Variants in GHR observed in about 807,000 individuals in gnomAD.
The protein encoded by GHR is GH receptor.
In GHR, 35 loss-of-function variants were observed where a neutral mutation model predicts 67.1. The observed-to-expected ratio is 0.52, with a 90% CI of 0.40 to 0.69. The LOEUF is 0.69. GHR is among the 30% of genes least tolerant of loss of function. The pLI, the probability that GHR is intolerant of heterozygous loss-of-function variation, is 0.00. For synonymous variants in GHR, 272 were observed against 269.1 expected, an observed-to-expected ratio of 1.01 and a Z score of -0.10; for missense variants, 792 against 764.6, an observed-to-expected ratio of 1.04 and a Z score of -0.42.
intron 3 of GHR, chr5:42,647,630 C>G (rs1307162536): frequency 2.3e-6 from 1 of 436,682 alleles, no homozygotes; most frequent in East Asian, 7.5e-5. Context: ...AATTTGATGA[C>G]TTTAATTTCA....
At chr5:42,515,538 G>T (rs1747199869) in intron 1 of GHR, among the ~76,000 whole-genome samples, 1 of 152,232 alleles carries the variant, frequency 6.6e-6, no homozygotes, top group Non-Finnish European at 1.5e-5. Flanking sequence ...ACACAGGCAG[G>T]CTGAGGGCTA....
chr5:42,466,283 A>T (rs75029571), intron 1 of GHR, among the ~76,000 whole-genome samples: 4 of 81,874 alleles, frequency 4.9e-5, no homozygotes, highest in African/African-American at 2.1e-4. Flanking sequence ...ATCAAGGTTC[A>T]GGGGGTATAG....
intron 1 of GHR, among the ~76,000 whole-genome samples, chr5:42,493,261 G>A (rs1050406275): frequency 6.6e-6 from 1 of 152,126 alleles, no homozygotes; most frequent in Admixed American, 6.6e-5. Context: ...ATAAAGCTGG[G>A]ATTTCTGTAG....
intron 1 of GHR, among the ~76,000 whole-genome samples, chr5:42,479,133 T>A (rs1745487645): frequency 6.6e-6 from 1 of 152,202 alleles, no homozygotes; most frequent in Non-Finnish European, 1.5e-5. Context: ...TCTGCGTCTA[T>A]TGAGATAATC....
chr5:42,589,624 G>A (rs1215832184), intron 2 of GHR, among the ~76,000 whole-genome samples: 1 of 152,074 alleles, frequency 6.6e-6, no homozygotes, highest in Non-Finnish European at 1.5e-5. Context: ...TATATAAGTA[G>A]TTGTGTTATT....
intron 1 of GHR, among the ~76,000 whole-genome samples, chr5:42,457,363 T>C (rs941341664): frequency 2.0e-5 from 3 of 152,248 alleles, no homozygotes; most frequent in Non-Finnish European, 4.4e-5. Flanking sequence ...AGTCACACTA[T>C]CAACATTATG....
intron 7 of GHR, 132 bp from the exon 8 acceptor site, chr5:42,713,297 G>T (rs1758561044): frequency 1.4e-5 from 9 of 651,390 alleles, no homozygotes; most frequent in Non-Finnish European, 2.2e-5. Context: ...TGTTTCAGTG[G>T]TTATCAAGAG....
intron 1 of GHR, chr5:42,467,618 C>G: frequency 6.2e-7 from 1 of 1,606,046 alleles, no homozygotes; most frequent in Non-Finnish European, 8.5e-7. Context: ...AAGGCTTTCC[C>G]ACATTTTGAG....
chr5:42,576,461 C>A (rs984566832), intron 2 of GHR, among the ~76,000 whole-genome samples: 1 of 152,126 alleles, frequency 6.6e-6, no homozygotes, highest in Admixed American at 6.5e-5. Flanking sequence ...ATTGGAATTA[C>A]CAATAGGCTA....
At chr5:42,632,351 C>T (rs1048579296) in intron 3 of GHR, among the ~76,000 whole-genome samples, 1 of 152,148 alleles carries the variant, frequency 6.6e-6, no homozygotes, top group African/African-American at 2.4e-5. Flanking sequence ...GCAATCCCTC[C>T]CTTCTCCATG....
chr5:42,432,253 C>A (rs906287462), intron 1 of GHR, among the ~76,000 whole-genome samples: 3 of 152,096 alleles, frequency 2.0e-5, no homozygotes, highest in Non-Finnish European at 2.9e-5. Context: ...TTTTATTAAG[C>A]ATTATATCTA....
At chr5:42,695,131 T>A in intron 5 of GHR, 42 bp downstream of exon 5, 1 of 1,379,748 alleles carries the variant, frequency 7.2e-7, no homozygotes, top group Non-Finnish European at 1.0e-6. Context: ...AGTTTTAGAC[T>A]AAATAAATGG....
At chr5:42,661,898 G>A (rs889461018) in intron 3 of GHR, among the ~76,000 whole-genome samples, 1 of 152,248 alleles carries the variant, frequency 6.6e-6, no homozygotes, top group South Asian at 2.1e-4. Flanking sequence ...CAAAACAAAA[G>A]GATGGAGGAA....
At chr5:42,628,840 T>A (rs1225166287) in intron 2 of GHR, among the ~76,000 whole-genome samples, 198 bp from the exon 3 acceptor site, 1 of 131,208 alleles carries the variant, frequency 7.6e-6, no homozygotes, top group Non-Finnish European at 1.6e-5. Flanking sequence ...TGGTCACTTG[T>A]GCCTAAACTC....
At chr5:42,571,725 G>T (rs1379419522) in intron 2 of GHR, among the ~76,000 whole-genome samples, 1 of 152,134 alleles carries the variant, frequency 6.6e-6, no homozygotes, top group East Asian at 1.9e-4. Context: ...GTATATTTCT[G>T]GTCTTCCGCC....
At chr5:42,468,664 G>C in intron 1 of GHR, 1 of 1,019,882 alleles carries the variant, frequency 9.8e-7, no homozygotes, top group Non-Finnish European at 1.5e-6. Flanking sequence ...TGCGCAGCTA[G>C]CTATTTGCCT....
chr5:42,454,844 G>A (rs1022962338), intron 1 of GHR, among the ~76,000 whole-genome samples: 1 of 152,028 alleles, frequency 6.6e-6, no homozygotes, highest in Non-Finnish European at 1.5e-5. Context: ...TGCCCACAAG[G>A]TTCCTGTGCT....
intron 2 of GHR, among the ~76,000 whole-genome samples, chr5:42,586,176 TTCC>T (rs934943966): frequency 2.0e-4 from 30 of 151,736 alleles, no homozygotes; most frequent in African/African-American, 5.8e-4. Context: ...ATGTTTTCCT[TTCC>T]TCCTCCTCCT....
At chr5:42,460,600 C>T (rs56781446) in intron 1 of GHR, among the ~76,000 whole-genome samples, 42,941 of 151,952 alleles carry the variant, frequency 0.28, 6,650 homozygotes, top group African/African-American at 0.37. Context: ...GGTTCACCTC[C>T]CATTAGAATA....
Sources: gnomAD v4.1 joint callset for allele counts (sites outside exome capture counted in the v4.1 genomes callset) on GRCh38, gnomAD v4.1.1 for gene constraint, MANE v1.5 for transcripts, NCBI Gene and HGNC (gene_info 2026-07-23, HGNC 2026-07-21) for gene names.